Variants in RARB observed in about 807,000 individuals in gnomAD.
RARB encodes the protein retinoic acid receptor beta.
Under a neutral mutation model 51.9 loss-of-function variants are expected in RARB, and 17 were observed. That is an observed-to-expected ratio of 0.33 (90% confidence interval 0.22 to 0.49). The LOEUF (loss-of-function observed/expected upper bound fraction) is 0.49. Among genes scored for constraint, RARB ranks in the 20% least tolerant of loss-of-function variants. The pLI is 0.99. For missense variants in RARB, 369 were observed against 550.8 expected (o/e 0.67, Z 3.30); for synonymous variants, 215 against 195.4 (o/e 1.10, Z -0.84).
At chr3:24,900,225 A>C (rs1372124378) in intron 2 of RARB, among the ~76,000 whole-genome samples, 1 of 152,014 alleles carries the variant, frequency 6.6e-6, no homozygotes, top group Non-Finnish European at 1.5e-5. Flanking sequence ...AGCGTGTGTA[A>C]CTCCTTCCCT....
chr3:24,868,177 G>A (rs748855388), intron 2 of RARB, among the ~76,000 whole-genome samples: 3 of 152,140 alleles, frequency 2.0e-5, no homozygotes, highest in Non-Finnish European at 4.4e-5. Flanking sequence ...TGAAATGCAT[G>A]TGTTACATGT....
chr3:24,872,894 A>C (rs1260754504), intron 2 of RARB, among the ~76,000 whole-genome samples: 1 of 152,012 alleles, frequency 6.6e-6, no homozygotes, highest in African/African-American at 2.4e-5. Context: ...CTGCGCGTTG[A>C]CTCTCACTTA....
At chr3:25,456,554 A>ATTTTTTTTTTTTTTTT (rs35056259) in intron 1 of RARB, among the ~76,000 whole-genome samples, 1 of 44,118 alleles carries the variant, frequency 2.3e-5, no homozygotes, top group Non-Finnish European at 4.0e-5. Context: ...TATACCACTG[A>ATTTTTTTTTTTTTTTT]TTTTTTTTTT....
chr3:25,285,654 C>G (rs528751876), intron 5 of RARB, among the ~76,000 whole-genome samples: 9 of 152,188 alleles, frequency 5.9e-5, no homozygotes, highest in East Asian at 1.9e-4. Flanking sequence ...ATTTCAGAAA[C>G]TTTTCAGGTG....
chr3:25,208,877 T>C (rs1701626829), intron 5 of RARB, among the ~76,000 whole-genome samples: 1 of 152,170 alleles, frequency 6.6e-6, no homozygotes. Flanking sequence ...TCATTATCTT[T>C]AGAGTTCATC....
At chr3:25,102,649 T>C (rs1341678163) in intron 3 of RARB, among the ~76,000 whole-genome samples, 3 of 152,198 alleles carry the variant, frequency 2.0e-5, no homozygotes, top group Non-Finnish European at 4.4e-5. Context: ...TATATTTATA[T>C]TCAGATCAGC....
chr3:25,043,916 A>G (rs144778981), intron 2 of RARB, among the ~76,000 whole-genome samples: 1 of 152,294 alleles, frequency 6.6e-6, no homozygotes, highest in East Asian at 1.9e-4. Flanking sequence ...GGTTGATGCT[A>G]TTCAGAAGTA....
chr3:25,114,248 C>T (rs1460431090), intron 3 of RARB, among the ~76,000 whole-genome samples: 2 of 152,176 alleles, frequency 1.3e-5, no homozygotes, highest in Non-Finnish European at 2.9e-5. Flanking sequence ...AAACTCTTGC[C>T]TCCTTTGGTG....
intron 2 of RARB, among the ~76,000 whole-genome samples, chr3:25,472,137 T>G (rs7629478): frequency 0.31 from 47,176 of 152,170 alleles, 7,744 homozygotes; most frequent in African/African-American, 0.42. Flanking sequence ...GAAGTAAAAG[T>G]AAACCCCCAC....
At chr3:25,208,403 G>T (rs1006575813) in intron 5 of RARB, among the ~76,000 whole-genome samples, 2 of 152,118 alleles carry the variant, frequency 1.3e-5, no homozygotes, top group Admixed American at 1.3e-4. Flanking sequence ...CTTCATTCCA[G>T]TGATTCTGTT....
intron 2 of RARB, among the ~76,000 whole-genome samples, chr3:25,015,425 CTG>C (rs947784720): frequency 2.0e-5 from 3 of 152,108 alleles, no homozygotes; most frequent in Non-Finnish European, 4.4e-5. Context: ...GTTAAAATAA[CTG>C]TGAAATAAAT....
intron 4 of RARB, among the ~76,000 whole-genome samples, chr3:25,157,344 GTGTGTT>G (rs1160683784): frequency 1.9e-5 from 2 of 103,866 alleles, no homozygotes; most frequent in Non-Finnish European, 3.9e-5. Context: ...TTCTGAGTGT[GTGTGTT>G]TGTGTGTGTG....
chr3:25,093,678 T>C (rs1659816046), intron 3 of RARB, among the ~76,000 whole-genome samples: 1 of 152,098 alleles, frequency 6.6e-6, no homozygotes, highest in South Asian at 2.1e-4. Flanking sequence ...GAATCTAAGA[T>C]TGGCCTTTCA....
At chr3:25,418,957 A>AAAG (rs61691315) in intron 5 of RARB, among the ~76,000 whole-genome samples, 3 of 151,628 alleles carry the variant, frequency 2.0e-5, no homozygotes, top group Admixed American at 6.6e-5. Flanking sequence ...AAAAAAAAAA[A>AAAG]GGCATATAAA....
chr3:25,596,561 T>G lies in RARB; in HGVS notation c.1292T>G (p.Ile431Ser). Residue 431 changes from isoleucine to serine, a missense_variant, in exon 8 of 8, where the codon ATC becomes AGC. Ile to Ser is a moderately radical substitution (Grantham distance 142). Transcript: ENST00000330688. ...SGNTAEHSPS[I>S]SPSSVENSGV... ...AACACAGCAGAGCACAGTCCTAGCA[T>G]CTCACCCAGCTCAGTGGAAAACAGT... 6.2e-7 allele frequency: 1 copy of G among 1,613,660 alleles called. No homozygotes were observed. Among genetic ancestry groups the G allele is most frequent in the Admixed American group, 1.7e-5 (1 of 60,008 alleles).
intron 5 of RARB, among the ~76,000 whole-genome samples, chr3:25,410,091 TTGA>T (rs923656687): frequency 1.3e-5 from 2 of 152,232 alleles, no homozygotes; most frequent in Admixed American, 6.5e-5. Context: ...TCATTCCCTC[TTGA>T]TGAGATTTTG....
intron 2 of RARB, among the ~76,000 whole-genome samples, chr3:25,471,398 C>T (rs920732768): frequency 6.6e-6 from 1 of 152,192 alleles, no homozygotes; most frequent in African/African-American, 2.4e-5. Flanking sequence ...CTCAAGACAG[C>T]TGAAATGACA....
intron 2 of RARB, among the ~76,000 whole-genome samples, chr3:24,860,948 C>G (rs1219413651): frequency 6.6e-6 from 1 of 152,084 alleles, no homozygotes; most frequent in African/African-American, 2.4e-5. Context: ...ACCATGTAGC[C>G]TAGGTTCGTA....
intron 2 of RARB, among the ~76,000 whole-genome samples, chr3:25,007,592 C>CAGA (rs1553622838): frequency 3.1e-4 from 14 of 45,418 alleles, no homozygotes; most frequent in African/African-American, 1.3e-3. Context: ...GAGACTGTCT[C>CAGA]AAAAAAAAAA....
Sources: gnomAD v4.1 joint callset for allele counts (sites outside exome capture counted in the v4.1 genomes callset) on GRCh38, gnomAD v4.1.1 for gene constraint, MANE v1.5 for transcripts, NCBI Gene and HGNC (gene_info 2026-07-23, HGNC 2026-07-21) for gene names.